Variants in SPIDR observed in about 807,000 individuals in gnomAD.
The protein encoded by SPIDR is scaffold protein involved in DNA repair, also known as DNA repair-scaffolding protein.
In SPIDR, 93 loss-of-function variants were observed where a neutral mutation model predicts 104.6. That is an observed-to-expected ratio of 0.89 (90% CI 0.75 to 1.06). The LOEUF (loss-of-function observed/expected upper bound fraction) is 1.06. Among genes scored for constraint, SPIDR ranks in the 50% least tolerant of loss-of-function variants. The pLI, the probability that SPIDR is intolerant of heterozygous loss-of-function variation, is 0.00. For missense variants in SPIDR, 1,154 were observed against 1,111.2 expected (o/e 1.04, Z -0.55); for synonymous variants, 431 against 416.9 (o/e 1.03, Z -0.41).
chr8:47,576,539 T>C (rs2059150173), intron 8 of SPIDR, among the ~76,000 whole-genome samples: 1 of 152,192 alleles, frequency 6.6e-6, no homozygotes, highest in East Asian at 1.9e-4. Flanking sequence ...GTTCAAACTA[T>C]CCTCGTGCTT....
intron 11 of SPIDR, among the ~76,000 whole-genome samples, chr8:47,681,259 A>C (rs992254900): frequency 1.3e-5 from 2 of 152,170 alleles, no homozygotes; most frequent in Non-Finnish European, 2.9e-5. Flanking sequence ...TTAAGTCAAA[A>C]TTTAATTTTA....
intron 6 of SPIDR, 83 bp from the exon 7 acceptor site, chr8:47,407,778 T>TG (rs535894429): frequency 3.5e-5 from 25 of 715,868 alleles, no homozygotes; most frequent in Non-Finnish European, 5.5e-5. Context: ...TGTCTCTGGT[T>TG]GGGGGGTATA....
intron 5 of SPIDR, among the ~76,000 whole-genome samples, chr8:47,367,890 G>A (rs1367871644): frequency 6.6e-6 from 1 of 152,198 alleles, no homozygotes; most frequent in Non-Finnish European, 1.5e-5. Context: ...GGAGATTATA[G>A]GAACAGTGAT....
intron 5 of SPIDR, among the ~76,000 whole-genome samples, chr8:47,294,713 C>G (rs2040530317): frequency 6.6e-6 from 1 of 152,198 alleles, no homozygotes; most frequent in African/African-American, 2.4e-5. Flanking sequence ...TCACTGTAGC[C>G]TTGATCTCCT....
intron 5 of SPIDR, among the ~76,000 whole-genome samples, chr8:47,394,168 A>G (rs1041204979): frequency 6.6e-6 from 1 of 152,136 alleles, no homozygotes; most frequent in African/African-American, 2.4e-5. Context: ...TAGCCTTCCA[A>G]AGTGCTGGGA....
chr8:47,485,460 C>T (rs1356176041), intron 8 of SPIDR, among the ~76,000 whole-genome samples: 1 of 152,240 alleles, frequency 6.6e-6, no homozygotes, highest in Non-Finnish European at 1.5e-5. Context: ...CAGCAGAAAC[C>T]TCTGCAGACT....
chr8:47,317,123 T>C (rs1306181129), intron 5 of SPIDR, among the ~76,000 whole-genome samples: 1 of 152,084 alleles, frequency 6.6e-6, no homozygotes, highest in Non-Finnish European at 1.5e-5. Flanking sequence ...GTGGGTACAG[T>C]GCACCCAGCG....
At chr8:47,397,962 A>G (rs782385864) in intron 6 of SPIDR, among the ~76,000 whole-genome samples, 1 of 152,198 alleles carries the variant, frequency 6.6e-6, no homozygotes, top group Non-Finnish European at 1.5e-5. Context: ...GGAGAGCCCC[A>G]GCTTGAAGAC....
In SPIDR at chr8:47,500,996, A is replaced by G. The variant is rs561293654; in HGVS notation, c.1097+60454A>G. ...CTGAGGTCTCTGTTCTGTTCCATTG[A>G]TCTATATCTCTGTTTTGGTACCAGT... is the stretch of plus-strand genomic sequence containing the variant. On this transcript the variant is annotated intron_variant, in intron 8 of 19. Transcript: ENST00000297423. 3.9e-3 allele frequency among the ~76,000 whole-genome samples: 589 copies of G among 152,112 alleles called. 1 individual carries two copies. The highest frequency in any genetic ancestry group is 0.024 in the South Asian group (117 of 4,816).
chr8:47,598,280 G>A (rs1249429833), intron 9 of SPIDR, among the ~76,000 whole-genome samples: 2 of 152,140 alleles, frequency 1.3e-5, no homozygotes, highest in African/African-American at 4.8e-5. Context: ...CTTCCTGCTG[G>A]GTCATCTTGG....
At chr8:47,621,251 G>A (rs1051155857) in intron 10 of SPIDR, among the ~76,000 whole-genome samples, 13 of 152,306 alleles carry the variant, frequency 8.5e-5, no homozygotes, top group East Asian at 1.9e-4. Context: ...CACCACGCCC[G>A]GCCAATTCAT....
chr8:47,569,345 A>G (rs969115177), intron 8 of SPIDR, among the ~76,000 whole-genome samples: 3 of 152,338 alleles, frequency 2.0e-5, no homozygotes, highest in South Asian at 2.1e-4. Flanking sequence ...CCCACTTTCA[A>G]TAGGGATTAG....
chr8:47,707,849 A>G (rs185654543), intron 14 of SPIDR, among the ~76,000 whole-genome samples: 1 of 152,344 alleles, frequency 6.6e-6, no homozygotes, highest in East Asian at 1.9e-4. Flanking sequence ...ATTTGTTGAT[A>G]TATCGTCCTT....
At chr8:47,302,344 G>A (rs2042238184) in intron 5 of SPIDR, among the ~76,000 whole-genome samples, 1 of 106,254 alleles carries the variant, frequency 9.4e-6, no homozygotes, top group African/African-American at 8.0e-5. Context: ...TTAGCCATTT[G>A]TCTCGTTTTT....
chr8:47,487,917 T>C lies in SPIDR; in HGVS notation c.1097+47375T>C, dbSNP rs183256504. On this transcript the variant is annotated intron_variant, in intron 8 of 19. Transcript: ENST00000297423. ...AAGAGAAAGCAGGAAAGATCTAAAATTGACACCCTAACATCACAATTAAAA... is the reference window on the plus strand; with the variant it reads ...AAGAGAAAGCAGGAAAGATCTAAAACTGACACCCTAACATCACAATTAAAA... Among the ~76,000 whole-genome samples the C allele has an allele frequency of 1.6e-3, 243 of 152,034 alleles. 1 individual carries two copies. Among genetic ancestry groups the C allele is most frequent in the Middle Eastern group, 3.4e-3 (1 of 294 alleles).
chr8:47,361,177 A>G (rs1587684928), intron 5 of SPIDR, among the ~76,000 whole-genome samples: 1 of 152,342 alleles, frequency 6.6e-6, no homozygotes, highest in Non-Finnish European at 1.5e-5. Context: ...ACCTACTTCT[A>G]GAACTTGTGG....
intron 8 of SPIDR, among the ~76,000 whole-genome samples, chr8:47,499,946 T>C (rs975090293): frequency 9.2e-5 from 14 of 152,300 alleles, no homozygotes; most frequent in African/African-American, 2.9e-4. Context: ...TCCAGCTTCA[T>C]CCATATCCCT....
intron 14 of SPIDR, among the ~76,000 whole-genome samples, chr8:47,707,654 G>C (rs2081278981): frequency 6.6e-6 from 1 of 152,128 alleles, no homozygotes; most frequent in African/African-American, 2.4e-5. Context: ...AAGTCTAAGA[G>C]AAGTCAAGTC....
At chr8:47,597,433 A>G (rs1270955003) in intron 9 of SPIDR, among the ~76,000 whole-genome samples, 1 of 152,064 alleles carries the variant, frequency 6.6e-6, no homozygotes, top group African/African-American at 2.4e-5. Flanking sequence ...GCAACACACT[A>G]CTTTTGTTTA....
Sources: gnomAD v4.1 joint callset for allele counts (sites outside exome capture counted in the v4.1 genomes callset) on GRCh38, gnomAD v4.1.1 for gene constraint, MANE v1.5 for transcripts, NCBI Gene and HGNC (gene_info 2026-07-23, HGNC 2026-07-21) for gene names.